The following PTPRQ variants were observed in gnomAD, a reference collection of about 807,000 sequenced individuals.
PTPRQ encodes the protein protein tyrosine phosphatase receptor type Q.
PTPRQ carries 199 observed loss-of-function variants against 246.0 expected under a neutral mutation model. The observed-to-expected ratio is 0.81, with a 90% CI of 0.72 to 0.91. The LOEUF is 0.91. Ranked by LOEUF, PTPRQ falls within the 40% of genes least tolerant of loss-of-function variation. The pLI is 0.00. For missense variants in PTPRQ, 2,624 were observed against 2,528.4 expected, an observed-to-expected ratio of 1.04 and a Z score of -0.81; for synonymous variants, 869 against 853.2, an observed-to-expected ratio of 1.02 and a Z score of -0.32.
intron 8 of PTPRQ, among the ~76,000 whole-genome samples, chr12:80,475,684 T>A (rs1893788697): frequency 6.6e-6 from 1 of 152,080 alleles, no homozygotes; most frequent in South Asian, 2.1e-4. Context: ...TTTATAGTCA[T>A]TATTTTTATG....
intron 26 of PTPRQ, among the ~76,000 whole-genome samples, chr12:80,595,769 T>C (rs1897950862): frequency 7.3e-6 from 1 of 136,768 alleles, no homozygotes; most frequent in Admixed American, 8.1e-5. Context: ...CCTGTGTCCA[T>C]GTGTTCGCAT....
intron 37 of PTPRQ, among the ~76,000 whole-genome samples, chr12:80,652,524 G>A (rs552618976): frequency 2.6e-5 from 4 of 152,006 alleles, no homozygotes; most frequent in Admixed American, 1.3e-4. Context: ...AATTATCTCC[G>A]AAAGAGCAAA....
intron 17 of PTPRQ, among the ~76,000 whole-genome samples, chr12:80,517,944 G>GT (rs1342805205): frequency 4.6e-5 from 7 of 152,142 alleles, no homozygotes; most frequent in Non-Finnish European, 8.8e-5. Flanking sequence ...CAACAAACAT[G>GT]TAAGTGCAGA....
At chr12:80,460,552 T>A (rs902755506) in intron 5 of PTPRQ, 101 bp from the exon 6 acceptor site, 1 of 396,378 alleles carries the variant, frequency 2.5e-6, no homozygotes, top group South Asian at 1.4e-4. Context: ...TATGTGTGTA[T>A]GTATAGCATA....
intron 17 of PTPRQ, among the ~76,000 whole-genome samples, chr12:80,527,901 C>T (rs1284818856): frequency 6.6e-6 from 1 of 152,092 alleles, no homozygotes; most frequent in Non-Finnish European, 1.5e-5. Flanking sequence ...TGCGATCAGC[C>T]TGGGCACCAT....
chr12:80,457,831 A>G (rs1198164106), intron 4 of PTPRQ, among the ~76,000 whole-genome samples, 187 bp downstream of exon 4: 2 of 152,254 alleles, frequency 1.3e-5, no homozygotes, highest in East Asian at 1.9e-4. Context: ...CTTTCTGATT[A>G]TAAGAACAGT....
intron 24 of PTPRQ, among the ~76,000 whole-genome samples, chr12:80,548,178 A>G (rs1008505197): frequency 6.6e-6 from 1 of 152,126 alleles, no homozygotes; most frequent in Non-Finnish European, 1.5e-5. Context: ...GTACCCCAAC[A>G]TTCTATACTC....
intron 24 of PTPRQ, among the ~76,000 whole-genome samples, chr12:80,548,517 A>G (rs1896376194): frequency 6.6e-6 from 1 of 152,104 alleles, no homozygotes; most frequent in Non-Finnish European, 1.5e-5. Flanking sequence ...AGAGGAAGAA[A>G]AGTTTATAAC....
At chr12:80,461,379 A>C (rs2120484753) in intron 6 of PTPRQ, among the ~76,000 whole-genome samples, 1 of 152,268 alleles carries the variant, frequency 6.6e-6, no homozygotes, top group East Asian at 1.9e-4. Context: ...TCATCTGAAA[A>C]ATAGAGACAG....
chr12:80,549,876 C>T (rs745744902), intron 25 of PTPRQ, 142 bp downstream of exon 25: 34 of 1,208,868 alleles, frequency 2.8e-5, no homozygotes, highest in Non-Finnish European at 3.0e-5. Flanking sequence ...TTTTATCCCA[C>T]GTGTTGCTTG....
intron 25 of PTPRQ, among the ~76,000 whole-genome samples, chr12:80,577,368 G>A (rs1260681218): frequency 1.3e-5 from 2 of 152,276 alleles, no homozygotes; most frequent in East Asian, 3.9e-4. Flanking sequence ...GAAGGGGCGA[G>A]CCCCTTATAA....
intron 19 of PTPRQ, among the ~76,000 whole-genome samples, chr12:80,537,190 C>T (rs1027013745): frequency 1.3e-5 from 2 of 152,144 alleles, no homozygotes; most frequent in East Asian, 3.8e-4. Flanking sequence ...GAAGTTTATC[C>T]GTGCTTTAAC....
At chr12:80,545,764 T>A (rs1896284407) in intron 23 of PTPRQ, among the ~76,000 whole-genome samples, 1 of 147,644 alleles carries the variant, frequency 6.8e-6, no homozygotes, top group African/African-American at 2.4e-5. Flanking sequence ...AATAATAATT[T>A]ATTATTATTA....
At chr12:80,584,606 T>C (rs1184218897) in intron 25 of PTPRQ, among the ~76,000 whole-genome samples, 1 of 152,176 alleles carries the variant, frequency 6.6e-6, no homozygotes, top group Admixed American at 6.5e-5. Flanking sequence ...CTGTTTGTTA[T>C]TGCCGACATG....
At chr12:80,619,320 G>A (rs1370477676) in intron 30 of PTPRQ, 64 bp from the exon 31 acceptor site, 1 of 1,493,670 alleles carries the variant, frequency 6.7e-7, no homozygotes. Flanking sequence ...AAAGGAGAAA[G>A]ATTTTTTCTT....
chr12:80,550,090 GA>G (rs1896427829), intron 25 of PTPRQ, among the ~76,000 whole-genome samples: 1 of 151,918 alleles, frequency 6.6e-6, no homozygotes, highest in African/African-American at 2.4e-5. Flanking sequence ...TGTTTTTATG[GA>G]ATTCTAGATG....
rs762227079 is a variant in PTPRQ at position 80,482,711 on chromosome 12, C to T, written c.1187-1722C>T. ...ACAAACAACCCCATCAAAAAGTGGG[C>T]GAAGGACATGAACAGACACTTCTCA... is the stretch of plus-strand genomic sequence containing the variant. On this transcript the variant is annotated intron_variant, in intron 8 of 44. Coordinates refer to ENST00000644991, the MANE Select transcript of PTPRQ (RefSeq NM_001145026.2). Among the ~76,000 whole-genome samples the T allele has an allele frequency of 5.4e-3, 825 of 151,438 alleles. 6 individuals are homozygous for T. The highest frequency in any genetic ancestry group is 8.6e-3 in the Non-Finnish European group (582 of 67,942).
At chr12:80,665,721 C>G (rs1049186681) in intron 39 of PTPRQ, among the ~76,000 whole-genome samples, 2 of 151,750 alleles carry the variant, frequency 1.3e-5, no homozygotes, top group South Asian at 4.2e-4. Flanking sequence ...GATTAATATC[C>G]AAAATATACC....
intron 9 of PTPRQ, among the ~76,000 whole-genome samples, chr12:80,487,668 A>C (rs1894322430): frequency 6.6e-6 from 1 of 152,070 alleles, no homozygotes; most frequent in African/African-American, 2.4e-5. Context: ...TAGCCACTTA[A>C]TGTTAAGGTC....
Sources: gnomAD v4.1 joint callset for allele counts (sites outside exome capture counted in the v4.1 genomes callset) on GRCh38, gnomAD v4.1.1 for gene constraint, MANE v1.5 for transcripts, NCBI Gene and HGNC (gene_info 2026-07-23, HGNC 2026-07-21) for gene names.